The following RAB3GAP2 variants were observed in gnomAD, a reference collection of about 807,000 sequenced individuals.
The protein encoded by RAB3GAP2 is RAB3 GTPase activating non-catalytic protein subunit 2, also known as rab3 GTPase-activating protein non-catalytic subunit.
Under a neutral mutation model 185.3 loss-of-function variants are expected in RAB3GAP2, and 87 were observed. The ratio of observed to expected loss-of-function variants is 0.47; its 90% CI spans 0.39 to 0.56. The LOEUF (loss-of-function observed/expected upper bound fraction) is 0.56, where lower values mean the gene tolerates loss of function less well. Among genes scored for constraint, RAB3GAP2 ranks in the 20% least tolerant of loss-of-function variants. The pLI, the probability that RAB3GAP2 is intolerant of heterozygous loss-of-function variation, is 0.00. For synonymous variants in RAB3GAP2, 554 were observed against 576.1 expected (o/e 0.96, Z 0.55); for missense variants, 1,492 against 1,638.2 (o/e 0.91, Z 1.54).
chr1:220,163,782 G>A lies in RAB3GAP2; in HGVS notation c.3154+951C>T, dbSNP rs544727884. Among the ~76,000 whole-genome samples, 98 of 125,346 alleles carry A rather than the reference G, an allele frequency of 7.8e-4. 1 individual carries two copies. Among genetic ancestry groups the A allele is most frequent in the Non-Finnish European group, 1.2e-3 (75 of 62,142 alleles). The allele number at this position is 125,346 out of a possible 152,430, so 82.2% of individuals were successfully genotyped here. ...ATATATATATATATATAGGATGAAG[G>A]TAAGATCTAAGAGATGAATAAGTAA... On this transcript the variant is annotated intron_variant, in intron 27 of 34. Transcript: ENST00000358951.
rs1658425393 is a variant in RAB3GAP2 at position 220,182,319 on chromosome 1, T to G, written c.2248A>C (p.Ser750Arg). Residue 750 changes from serine to arginine, a missense_variant, in exon 21 of 35, where the codon AGC becomes CGC. Around this residue, in one of 5 missense-constraint regions of RAB3GAP2, gnomAD observed 681 missense variants for 689.1 expected, o/e 0.99. Coordinates refer to ENST00000358951, the MANE Select transcript of RAB3GAP2 (RefSeq NM_012414.4). Reference protein sequence around the residue: ...FFFWKCLHGESSTEDMCHTLE... With the variant: ...FFFWKCLHGERSTEDMCHTLE... ...GTGTGACACATATCCTCAGTGGAGC[T>G]TTCTCCATGCAAACACTTCCAAAAA... 2 of 1,613,940 alleles carry G rather than the reference T, an allele frequency of 1.2e-6. No individual in the cohort carries two copies. Among genetic ancestry groups the G allele is most frequent in the Non-Finnish European group, 1.7e-6 (2 of 1,179,992 alleles).
At chr1:220,152,747 G>C (rs1278430284) in intron 33 of RAB3GAP2, among the ~76,000 whole-genome samples, 1 of 151,940 alleles carries the variant, frequency 6.6e-6, no homozygotes, top group Non-Finnish European at 1.5e-5. Context: ...TTTAGAGACG[G>C]GGTCTCGCTA....
chr1:220,205,832 C>A, intron 8 of RAB3GAP2, 75 bp downstream of exon 8: 1 of 1,119,122 alleles, frequency 8.9e-7, no homozygotes, highest in Non-Finnish European at 1.3e-6. Flanking sequence ...AGAAGACATA[C>A]TTAATTCCAT....
intron 17 of RAB3GAP2, 138 bp downstream of exon 17, chr1:220,189,565 A>G: frequency 1.3e-6 from 1 of 796,358 alleles, no homozygotes; most frequent in African/African-American, 1.8e-5. Flanking sequence ...TCTGAAAATA[A>G]AGAAAGGGAT....
intron 1 of RAB3GAP2, among the ~76,000 whole-genome samples, chr1:220,255,242 A>C (rs1660014747): frequency 6.6e-6 from 1 of 152,022 alleles, no homozygotes; most frequent in African/African-American, 2.4e-5. Context: ...CAACAACAAC[A>C]TGAACAAAAA....
chr1:220,235,356 A>G (rs927172800), intron 1 of RAB3GAP2, among the ~76,000 whole-genome samples: 1 of 152,220 alleles, frequency 6.6e-6, no homozygotes, highest in Non-Finnish European at 1.5e-5. Flanking sequence ...GCAGGCAACA[A>G]GGCTATCCCA....
chr1:220,157,754 A>G, intron 30 of RAB3GAP2, 48 bp downstream of exon 30: 1 of 1,443,126 alleles, frequency 6.9e-7, no homozygotes, highest in East Asian at 2.3e-5. Context: ...TTTGCAGAAT[A>G]TGTAATATCT....
At chr1:220,259,680 G>A (rs1660098202) in intron 1 of RAB3GAP2, among the ~76,000 whole-genome samples, 3 of 152,092 alleles carry the variant, frequency 2.0e-5, no homozygotes, top group African/African-American at 7.2e-5. Flanking sequence ...ACATAGGCAT[G>A]GGCAAAGATT....
At chr1:220,209,912 T>C (rs1175685670) in intron 7 of RAB3GAP2, among the ~76,000 whole-genome samples, 1 of 152,228 alleles carries the variant, frequency 6.6e-6, no homozygotes, top group African/African-American at 2.4e-5. Flanking sequence ...ATTTTCTCAG[T>C]TGAAATCTTC....
chr1:220,202,263 T>C lies in RAB3GAP2; in HGVS notation c.811+13A>G, dbSNP rs764335021. 3 of 1,610,660 alleles carry C rather than the reference T, an allele frequency of 1.9e-6. No individual in the cohort carries two copies. The South Asian group carries it at 3.3e-5, about 18-fold the overall frequency. On this transcript the variant is annotated intron_variant, in intron 9 of 34. Transcript: ENST00000358951. ...AAGTAAATTCCAAGAGAATTTGAAT[T>C]AGTAATACTTACCAACACTAGCATG...
intron 17 of RAB3GAP2, among the ~76,000 whole-genome samples, chr1:220,188,881 C>T (rs947916121): frequency 1.3e-5 from 2 of 151,966 alleles, no homozygotes; most frequent in Admixed American, 1.3e-4. Flanking sequence ...ACTACATACA[C>T]CAATATGAAT....
chr1:220,236,760 C>T (rs74139302), intron 1 of RAB3GAP2, among the ~76,000 whole-genome samples: 146 of 151,854 alleles, frequency 9.6e-4, no homozygotes, highest in African/African-American at 3.4e-3. Context: ...TGTTCAGGCA[C>T]GGTACTTCCT....
intron 2 of RAB3GAP2, among the ~76,000 whole-genome samples, chr1:220,222,165 A>ACC (rs1659320313): frequency 6.6e-6 from 1 of 152,220 alleles, no homozygotes; most frequent in South Asian, 2.1e-4. Flanking sequence ...CAATTTTGAA[A>ACC]CACAAAAAGA....
At chr1:220,205,113 A>G (rs1306630465) in intron 8 of RAB3GAP2, among the ~76,000 whole-genome samples, 2 of 152,098 alleles carry the variant, frequency 1.3e-5, no homozygotes, top group African/African-American at 2.4e-5. Flanking sequence ...TGTGTCTTTC[A>G]CTGGCAACAG....
At chr1:220,220,839 G>A (rs1453429729) in intron 2 of RAB3GAP2, among the ~76,000 whole-genome samples, 3 of 152,144 alleles carry the variant, frequency 2.0e-5, no homozygotes, top group Admixed American at 6.5e-5. Flanking sequence ...CTTCCACCAT[G>A]ATTGTGAGGC....
chr1:220,218,949 CA>C (rs951094594), intron 2 of RAB3GAP2, among the ~76,000 whole-genome samples: 6 of 152,074 alleles, frequency 3.9e-5, no homozygotes, highest in African/African-American at 1.2e-4. Context: ...AATACAAGGA[CA>C]AAAAGCCTCT....
chr1:220,190,084 T>C lies in RAB3GAP2; in HGVS notation c.1694A>G (p.Lys565Arg), dbSNP rs1337596589. Reference sequence around the variant, plus strand: ...CCTACCAAGATTGGGAGATTTTGTTTTCAGTAAGGCTGCTAGTTTCTTCAC... The same window carrying C: ...CCTACCAAGATTGGGAGATTTTGTTCTCAGTAAGGCTGCTAGTTTCTTCAC... ...HLVKKLAALL[K>R]TKSPNLDLVE... is the part of the protein sequence containing the mutation. Residue 565 changes from lysine to arginine, a missense_variant, in exon 16 of 35, where the codon AAA becomes AGA. Physicochemically the swap from Lys to Arg is conservative, Grantham distance 26. Coordinates refer to ENST00000358951, the MANE Select transcript of RAB3GAP2 (RefSeq NM_012414.4). 6.2e-7 allele frequency: 1 copy of C among 1,612,852 alleles called. No homozygotes were observed. The highest frequency in any genetic ancestry group is 1.3e-5 in the African/African-American group (1 of 74,872).
chr1:220,215,972 T>C (rs1423912795), intron 2 of RAB3GAP2, among the ~76,000 whole-genome samples: 1 of 152,150 alleles, frequency 6.6e-6, no homozygotes, highest in Non-Finnish European at 1.5e-5. Context: ...CAGAAAATCA[T>C]CCTAGTCAGA....
intron 28 of RAB3GAP2, among the ~76,000 whole-genome samples, chr1:220,160,053 G>A (rs565958584): frequency 6.6e-5 from 10 of 151,874 alleles, no homozygotes; most frequent in Admixed American, 3.3e-4. Context: ...AAAACCCAGA[G>A]CCTAATTCAG....
Sources: allele counts gnomAD v4.1 joint callset (sites outside exome capture counted in the v4.1 genomes callset), GRCh38; gene constraint gnomAD v4.1.1; regional missense constraint gnomAD v4.1.1; transcripts MANE v1.5; gene names NCBI Gene and HGNC (gene_info 2026-07-23, HGNC 2026-07-21).